The following STEAP3 variants were observed in gnomAD, a reference collection of about 807,000 sequenced individuals.
STEAP3 encodes the protein metalloreductase STEAP3.
A neutral mutation model predicts 34.9 loss-of-function variants in STEAP3; 35 were observed. The observed-to-expected ratio is 1.00, with a 90% CI of 0.76 to 1.33. The LOEUF is 1.33. Among genes scored for constraint, STEAP3 ranks in the 40% most tolerant of loss-of-function variants. The pLI, the probability that STEAP3 is intolerant of heterozygous loss-of-function variation, is 0.00. For missense variants in STEAP3, 652 were observed against 667.6 expected (o/e 0.98, Z 0.26); for synonymous variants, 281 against 301.6 (o/e 0.93, Z 0.71).
Position 119,254,730 on chromosome 2 carries a change from G to A in STEAP3, c.1097G>A (p.Arg366Gln), listed in dbSNP as rs754445970. The change falls in exon 5 of 6, where the codon CGG becomes CAG. Residue 366 changes from arginine to glutamine, a missense_variant. By Grantham distance (43) the Arg-to-Gln change is conservative (BLOSUM62 1). Transcript: ENST00000393110. ...SHLWVEEEVW[R>Q]MEIYLSLGVL... The stretch of plus-strand genomic sequence containing the variant: ...CTCTGGGTGGAGGAGGAGGTCTGGC[G>A]GATGGAGATCTACCTCTCCCTGGGA... 12 of 1,614,058 alleles carry A rather than the reference G, an allele frequency of 7.4e-6. No homozygotes were observed. The highest frequency in any genetic ancestry group is 1.7e-4 in the Middle Eastern group (1 of 6,060).
Position 119,257,596 on chromosome 2 carries a change from C to T in STEAP3, c.1215+2748C>T. On this transcript the variant is annotated intron_variant, in intron 5 of 5. Coordinates refer to ENST00000393110, the MANE Select transcript of STEAP3 (RefSeq NM_182915.3). The stretch of plus-strand genomic sequence containing the variant: ...CGGAGCTTCTGCTGCTCACTTGTGC[C>T]TGTGTCCACCCCATATGGTCATCAA... 2.0e-6 allele frequency: 3 copies of T among 1,531,944 alleles called. No individual in the cohort carries two copies. In the East Asian group the frequency reaches 7.7e-5, roughly 39 times the overall value. The allele number at this position is 1,531,944 out of a possible 1,614,324, so 94.9% of individuals were successfully genotyped here.
chr2:119,228,042 C>T (rs1294760898), intron 1 of STEAP3, among the ~76,000 whole-genome samples: 1 of 152,054 alleles, frequency 6.6e-6, no homozygotes, highest in Non-Finnish European at 1.5e-5. Context: ...GTTGGCCAGG[C>T]TGGTTTTGAA....
intron 5 of STEAP3, among the ~76,000 whole-genome samples, chr2:119,258,034 T>A (rs1677826539): frequency 6.6e-6 from 1 of 152,230 alleles, no homozygotes; most frequent in Non-Finnish European, 1.5e-5. Context: ...TACTTATTGT[T>A]ACTTCTTGAT....
intron 2 of STEAP3, among the ~76,000 whole-genome samples, chr2:119,235,684 G>A (rs1022498888): frequency 5.9e-5 from 9 of 152,258 alleles, no homozygotes; most frequent in African/African-American, 2.2e-4. Context: ...ACCTTGAGGA[G>A]CTTGGAGTGG....
intron 2 of STEAP3, 21 bp from the exon 3 acceptor site, chr2:119,245,468 G>A (rs1183227151): frequency 1.9e-6 from 3 of 1,560,638 alleles, no homozygotes; most frequent in Non-Finnish European, 1.7e-6. Flanking sequence ...CCACTGACCA[G>A]GTTCCTGACT....
At chr2:119,244,822 G>T (rs1677358973) in intron 2 of STEAP3, 1 of 152,240 alleles carries the variant, frequency 6.6e-6, no homozygotes, top group Non-Finnish European at 1.5e-5. Flanking sequence ...TCTATCTTAG[G>T]GGCCCATTCA....
In STEAP3 at chr2:119,254,978, C is replaced by A. The variant is rs1210167971; in HGVS notation, c.1215+130C>A. ...ACAGCAGGACCACTCGGTGAGATGC[C>A]AGGCCTTCCTGACCCAGAGGGCCCA... On this transcript the variant is annotated intron_variant, in intron 5 of 5. Transcript: ENST00000393110. 7 of 1,203,192 alleles carry A rather than the reference C, an allele frequency of 5.8e-6. No individual in the cohort carries two copies. In the East Asian group the frequency reaches 1.8e-4, roughly 31 times the overall value. 74.5% of individuals were successfully genotyped at this position (1,203,192 alleles called of 1,614,324 possible).
chr2:119,263,081 G>T lies in STEAP3; in HGVS notation c.1240G>T (p.Val414Leu), dbSNP rs1473184416. The stretch of plus-strand genomic sequence containing the variant: ...GTCCTCACTGGGCTTTGTGGCCCTC[G>T]TGCTGAGCACACTGCACACGCTCAC... ...VQSSLGFVAL[V>L]LSTLHTLTYG... is the part of the protein sequence containing the mutation. Residue 414 changes from valine to leucine, a missense_variant, in exon 6 of 6, where the codon GTG (valine) becomes TTG (leucine). Val to Leu is a conservative substitution (Grantham distance 32). Coordinates refer to ENST00000393110, the MANE Select transcript of STEAP3 (RefSeq NM_182915.3). The T allele has an allele frequency of 1.9e-6, 3 of 1,608,162 alleles. No homozygotes were observed. Among genetic ancestry groups the T allele is most frequent in the Non-Finnish European group, 1.7e-6 (2 of 1,179,958 alleles).
intron 2 of STEAP3, among the ~76,000 whole-genome samples, chr2:119,235,281 G>A (rs1677062154): frequency 6.6e-6 from 1 of 152,228 alleles, no homozygotes; most frequent in South Asian, 2.1e-4. Flanking sequence ...GGGGTACGTA[G>A]GGACAGAGCA....
chr2:119,263,299 C>G lies in STEAP3; in HGVS notation c.1458C>G (p.Pro486=). 6.2e-7 allele frequency: 1 copy of G among 1,613,876 alleles called. No individual in the cohort carries two copies. The highest frequency in any genetic ancestry group is 8.5e-7 in the Non-Finnish European group (1 of 1,179,990). The part of the protein sequence containing the change: ...ERESTIKFTL[P]TDHALAEKTS... Reference sequence around the variant, plus strand: ...AGAGCACCATCAAGTTCACGCTGCCCACAGACCACGCCCTGGCCGAGAAGA... The same window carrying G: ...AGAGCACCATCAAGTTCACGCTGCCGACAGACCACGCCCTGGCCGAGAAGA... The change falls in exon 6 of 6, where the codon CCC becomes CCG. Residue 486 remains proline, a synonymous_variant. Coordinates refer to ENST00000393110, the MANE Select transcript of STEAP3 (RefSeq NM_182915.3).
Position 119,230,889 on chromosome 2 carries a change from T to G in STEAP3, c.-124T>G. ...AGACCCTGGCAGGGCCCTCGCCTCC[T>G]GAGAAACCGAGAGTCAGAACCAAAG... On this transcript the variant is annotated 5_prime_UTR_variant, in exon 2 of 6. Transcript: ENST00000393110. The G allele has an allele frequency of 7.3e-6, 10 of 1,375,146 alleles. No homozygotes were observed. The highest frequency in any genetic ancestry group is 2.3e-5 in the East Asian group (1 of 42,932). 85.2% of individuals were successfully genotyped at this position (1,375,146 alleles called of 1,614,324 possible).
rs147804223 is a variant in STEAP3, at chr2:119,247,945, C to T, written c.789C>T (p.Ser263=). Residue 263 remains serine (S), a synonymous_variant, in exon 4 of 6, where the codon TCC becomes TCT. Transcript: ENST00000393110. Reference sequence around the variant, plus strand: ...ACAAGTTCTTCAAGCTGCCCGTGTCCGTGGTCAACACCACACTGCCGTGCG... The same window carrying T: ...ACAAGTTCTTCAAGCTGCCCGTGTCTGTGGTCAACACCACACTGCCGTGCG... The part of the protein sequence containing the change: ...SQNKFFKLPV[S]VVNTTLPCVA... 116 of 1,613,676 alleles carry T rather than the reference C, an allele frequency of 7.2e-5. No homozygotes were observed. Among genetic ancestry groups the T allele is most frequent in the African/African-American group, 5.5e-4 (41 of 75,060 alleles).
intron 5 of STEAP3, chr2:119,257,343 A>G (rs1677802617): frequency 7.6e-7 from 1 of 1,312,008 alleles, no homozygotes; most frequent in African/African-American, 1.5e-5. Flanking sequence ...GCCCTCTTGG[A>G]GAAACAGAGA....
intron 5 of STEAP3, among the ~76,000 whole-genome samples, chr2:119,261,149 G>A (rs1677929390): frequency 6.6e-6 from 1 of 151,014 alleles, no homozygotes; most frequent in African/African-American, 2.5e-5. Flanking sequence ...GGAAATGAAG[G>A]GACACACACA....
chr2:119,264,953 G>A lies in STEAP3; in HGVS notation c.*1615G>A, dbSNP rs1678065007. 1 of 152,258 alleles carries A rather than the reference G, an allele frequency of 6.6e-6. No homozygotes were observed. Among genetic ancestry groups the A allele is most frequent in the Non-Finnish European group, 1.5e-5 (1 of 68,064 alleles). 9.4% of individuals were successfully genotyped at this position (152,258 alleles called of 1,614,324 possible). Reference sequence around the variant, plus strand: ...AGGCCATGCCGGGGAAGCTCTTCCTGCAGGTATTTTCCATCTGCTGTGCCA... The same window carrying A: ...AGGCCATGCCGGGGAAGCTCTTCCTACAGGTATTTTCCATCTGCTGTGCCA... On this transcript the variant is annotated 3_prime_UTR_variant, in exon 6 of 6. Transcript: ENST00000393110.
intron 2 of STEAP3, among the ~76,000 whole-genome samples, chr2:119,233,445 G>C (rs1677003155): frequency 6.6e-6 from 1 of 152,196 alleles, no homozygotes; most frequent in South Asian, 2.1e-4. Flanking sequence ...GAAGGGATTA[G>C]AAACTCATAG....
rs1373209337 is a variant in STEAP3 at position 119,245,974 on chromosome 2, G to T, written c.508G>T (p.Asp170Tyr). The T allele has an allele frequency of 6.2e-7, 1 of 1,612,570 alleles. No homozygotes were observed. Among genetic ancestry groups the T allele is most frequent in the Non-Finnish European group, 8.5e-7 (1 of 1,179,248 alleles). ...SAWTLQAGPRDGNRQVPICGD... is the reference protein window; with the variant it reads ...SAWTLQAGPRYGNRQVPICGD... Reference sequence around the variant, plus strand: ...CTGGACCCTGCAGGCTGGCCCAAGGGATGGTAACAGGCAGGTAGGTTCTGG... The same window carrying T: ...CTGGACCCTGCAGGCTGGCCCAAGGTATGGTAACAGGCAGGTAGGTTCTGG... Residue 170 changes from aspartate (D) to tyrosine (Y), a missense_variant, in exon 3 of 6, where the codon GAT becomes TAT. Coordinates refer to ENST00000393110, the MANE Select transcript of STEAP3 (RefSeq NM_182915.3).
intron 2 of STEAP3, among the ~76,000 whole-genome samples, chr2:119,241,320 C>T (rs539296165): frequency 2.0e-5 from 3 of 152,150 alleles, no homozygotes; most frequent in African/African-American, 7.2e-5. Context: ...ACAGCCCGTG[C>T]CTTTAACCAC....
Position 119,249,439 on chromosome 2 carries a change from C to T in STEAP3, c.1050+1233C>T, listed in dbSNP as rs550292358. Among the ~76,000 whole-genome samples the T allele has an allele frequency of 9.7e-4, 147 of 152,242 alleles. 1 individual carries two copies. The highest frequency in any genetic ancestry group is 2.0e-3 in the Admixed American group (30 of 15,294). On this transcript the variant is annotated intron_variant, in intron 4 of 5. Coordinates refer to ENST00000393110, the MANE Select transcript of STEAP3 (RefSeq NM_182915.3). The stretch of plus-strand genomic sequence containing the variant: ...TAATTCCACCTCCAGTGCCCAGCCC[C>T]GGGGCTGGTTGATGCATAGGTCCTG...
Sources: allele counts gnomAD v4.1 joint callset (sites outside exome capture counted in the v4.1 genomes callset), GRCh38; gene constraint gnomAD v4.1.1; transcripts MANE v1.5; gene names NCBI Gene and HGNC (gene_info 2026-07-23, HGNC 2026-07-21).